The following TENM4 variants were observed in gnomAD, a reference collection of about 807,000 sequenced individuals.
TENM4 encodes the protein teneurin transmembrane protein 4, also known as teneurin-4.
Under a neutral mutation model 243.3 loss-of-function variants are expected in TENM4, and 82 were observed. The ratio of observed to expected loss-of-function variants is 0.34; its 90% CI spans 0.28 to 0.40. The LOEUF (loss-of-function observed/expected upper bound fraction) is 0.40, where lower values mean the gene tolerates loss of function less well. Among genes scored for constraint, TENM4 ranks in the 10% least tolerant of loss-of-function variants. The pLI is 1.00. For synonymous variants in TENM4, 1,412 were observed against 1,456.3 expected, an observed-to-expected ratio of 0.97 and a Z score of 0.69; for missense variants, 3,138 against 3,673.3, an observed-to-expected ratio of 0.85 and a Z score of 3.77.
intron 9 of TENM4, among the ~76,000 whole-genome samples, chr11:78,877,164 GT>G (rs1326244937): frequency 2.0e-5 from 3 of 152,184 alleles, no homozygotes; most frequent in African/African-American, 7.2e-5. Flanking sequence ...AAGCTGTTTA[GT>G]TCTGGTTTTG....
At chr11:78,740,998 T>C (rs1405413954) in intron 19 of TENM4, among the ~76,000 whole-genome samples, 3 of 152,216 alleles carry the variant, frequency 2.0e-5, no homozygotes, top group African/African-American at 7.2e-5. Context: ...CGATAGGCCA[T>C]AGAGGCCTCT....
At chr11:78,704,094 CATAT>C (rs1430886607) in intron 27 of TENM4, among the ~76,000 whole-genome samples, 4 of 130,038 alleles carry the variant, frequency 3.1e-5, no homozygotes, top group African/African-American at 9.2e-5. Context: ...CATACATATA[CATAT>C]GTATGTGTGT....
chr11:78,830,020 T>G (rs1857941957), intron 12 of TENM4, among the ~76,000 whole-genome samples: 1 of 152,194 alleles, frequency 6.6e-6, no homozygotes, highest in South Asian at 2.1e-4. Flanking sequence ...TGTGAGATGA[T>G]GTTTCTTCCG....
chr11:78,772,483 T>G (rs1255200104), intron 17 of TENM4, among the ~76,000 whole-genome samples: 2 of 152,194 alleles, frequency 1.3e-5, no homozygotes, highest in African/African-American at 4.8e-5. Context: ...AAAGCTTCAT[T>G]TGTTTTATTA....
intron 23 of TENM4, among the ~76,000 whole-genome samples, chr11:78,724,983 C>T (rs1344528753): frequency 6.6e-6 from 1 of 152,168 alleles, no homozygotes; most frequent in East Asian, 1.9e-4. Context: ...TTATCTACCT[C>T]CAGACTTGCA....
chr11:78,895,908 G>T (rs1565428281), intron 7 of TENM4, among the ~76,000 whole-genome samples: 1 of 152,208 alleles, frequency 6.6e-6, no homozygotes, highest in Non-Finnish European at 1.5e-5. Flanking sequence ...GGAACCTTCA[G>T]CTAAGTGGTG....
intron 18 of TENM4, among the ~76,000 whole-genome samples, chr11:78,766,389 A>G (rs1856539650): frequency 6.6e-6 from 1 of 152,216 alleles, no homozygotes; most frequent in Non-Finnish European, 1.5e-5. Flanking sequence ...TAAGAGGATA[A>G]AATCAGAAGA....
chr11:79,056,237 T>C (rs1859940576), intron 6 of TENM4, among the ~76,000 whole-genome samples: 3 of 152,166 alleles, frequency 2.0e-5, no homozygotes, highest in Admixed American at 2.0e-4. Context: ...AAAACTCTCA[T>C]TTGCTGTACC....
chr11:79,199,194 A>G (rs955609407), intron 3 of TENM4, among the ~76,000 whole-genome samples: 3 of 152,172 alleles, frequency 2.0e-5, no homozygotes, highest in African/African-American at 7.2e-5. Context: ...TCTGGATTCA[A>G]ATCTTGCCTC....
At chr11:79,320,945 C>T (rs557565229) in intron 1 of TENM4, among the ~76,000 whole-genome samples, 1 of 152,334 alleles carries the variant, frequency 6.6e-6, no homozygotes, top group East Asian at 1.9e-4. Flanking sequence ...CTCTTAGCAT[C>T]CTCTTCTCAA....
At chr11:78,722,541 C>T in intron 24 of TENM4, 127 bp downstream of exon 24, 1 of 1,330,872 alleles carries the variant, frequency 7.5e-7, no homozygotes, top group Non-Finnish European at 1.0e-6. Context: ...GGTGAAAAGT[C>T]TCAGAGCCTG....
intron 3 of TENM4, among the ~76,000 whole-genome samples, chr11:79,206,960 T>C (rs1197139926): frequency 6.6e-6 from 1 of 152,092 alleles, no homozygotes; most frequent in Non-Finnish European, 1.5e-5. Context: ...GATATAAACA[T>C]TTACTGGGGG....
intron 3 of TENM4, among the ~76,000 whole-genome samples, chr11:79,191,973 C>T (rs1261224993): frequency 3.8e-4 from 57 of 151,408 alleles, no homozygotes; most frequent in African/African-American, 1.4e-3. Flanking sequence ...CCCAGCCAGC[C>T]GCCCCGTCGG....
At chr11:78,708,637 A>G in intron 26 of TENM4, 122 bp from the exon 27 acceptor site, 1 of 1,149,604 alleles carries the variant, frequency 8.7e-7, no homozygotes, top group African/African-American at 1.5e-5. Flanking sequence ...GCCTCCCACA[A>G]CCTTCATTCC....
At chr11:79,327,028 C>G (rs11237787) in intron 1 of TENM4, among the ~76,000 whole-genome samples, 30,324 of 152,102 alleles carry the variant, frequency 0.2, 3,275 homozygotes, top group East Asian at 0.35. Flanking sequence ...AGAAAGAGCT[C>G]AATTAAATAT....
intron 6 of TENM4, among the ~76,000 whole-genome samples, chr11:79,046,052 A>C (rs902506997): frequency 2.0e-5 from 3 of 152,126 alleles, no homozygotes; most frequent in Non-Finnish European, 4.4e-5. Flanking sequence ...GTGCATTCCC[A>C]CACAGCCACA....
In TENM4 at chr11:79,207,895, G is replaced by C. The variant is rs574674370; in HGVS notation, c.-163+7913C>G. Among the ~76,000 whole-genome samples the C allele has an allele frequency of 1.1e-4, 16 of 151,474 alleles. No individual in the cohort carries two copies. The East Asian group carries it at 2.9e-3, about 28-fold the overall frequency. ...AAAAAAAAAAAAAAAAAAAAAGTGG[G>C]GGATAATTTAGGGCCTCCTATGATA... On this transcript the variant is annotated intron_variant, in intron 3 of 33. Coordinates refer to ENST00000278550, the MANE Select transcript of TENM4 (RefSeq NM_001098816.3).
intron 9 of TENM4, among the ~76,000 whole-genome samples, chr11:78,867,998 A>T (rs1440289442): frequency 1.3e-5 from 2 of 151,996 alleles, no homozygotes; most frequent in African/African-American, 4.8e-5. Context: ...TCCCTGGCCC[A>T]CAGCAATCTT....
intron 6 of TENM4, among the ~76,000 whole-genome samples, chr11:78,940,892 G>A (rs1427160292): frequency 6.6e-6 from 1 of 152,276 alleles, no homozygotes; most frequent in Admixed American, 6.5e-5. Context: ...CCTGGTCCTA[G>A]GCCTACCAGA....
Sources: gnomAD v4.1 joint callset for allele counts (sites outside exome capture counted in the v4.1 genomes callset) on GRCh38, gnomAD v4.1.1 for gene constraint, MANE v1.5 for transcripts, NCBI Gene and HGNC (gene_info 2026-07-23, HGNC 2026-07-21) for gene names.